CSMD1: variants seen among roughly 807,000 people sequenced by gnomAD.
The protein encoded by CSMD1 is CUB and sushi domain-containing protein 1.
In CSMD1, 213 loss-of-function variants were observed where a neutral mutation model predicts 417.5. The observed-to-expected ratio is 0.51, with a 90% CI of 0.46 to 0.57. The LOEUF (loss-of-function observed/expected upper bound fraction) is 0.57. CSMD1 is among the 20% of genes least tolerant of loss of function. CSMD1 has a pLI of 0.00. For synonymous variants in CSMD1, 2,862 were observed against 1,736.8 expected, an observed-to-expected ratio of 1.65 and a Z score of -16.11; for missense variants, 6,923 against 4,529.7, an observed-to-expected ratio of 1.53 and a Z score of -15.17.
At chr8:3,363,820 G>C (rs901325641) in intron 20 of CSMD1, among the ~76,000 whole-genome samples, 2 of 152,230 alleles carry the variant, frequency 1.3e-5, no homozygotes, top group African/African-American at 4.8e-5. Flanking sequence ...GTCGTAGCGA[G>C]TGGGAAAGTA....
At chr8:4,828,138 C>G (rs1364337584) in intron 1 of CSMD1, among the ~76,000 whole-genome samples, 2 of 151,976 alleles carry the variant, frequency 1.3e-5, no homozygotes, top group Non-Finnish European at 1.5e-5. Flanking sequence ...ACAACTTATC[C>G]CACGAGGAAA....
intron 3 of CSMD1, among the ~76,000 whole-genome samples, chr8:4,057,010 C>G (rs1798730931): frequency 6.6e-6 from 1 of 152,268 alleles, no homozygotes; most frequent in Non-Finnish European, 1.5e-5. Context: ...GTGCATGTGT[C>G]TTTATAGCAG....
rs572660577 is a variant in CSMD1, at chr8:3,303,637, C to A, written c.3950+4058G>T. Among the ~76,000 whole-genome samples the A allele has an allele frequency of 2.0e-4, 30 of 152,224 alleles. 1 individual carries two copies. In the South Asian group the frequency reaches 6.0e-3, roughly 30 times the overall value. On this transcript the variant is annotated intron_variant, in intron 25 of 69. Coordinates refer to ENST00000635120, the MANE Select transcript of CSMD1 (RefSeq NM_033225.6). ...TACACTGGCAGAAAAGCAATTAAAG[C>A]TTAGGAACAGTGTACACATATGGTT...
chr8:3,811,196 A>AT (rs1252456501), intron 5 of CSMD1, among the ~76,000 whole-genome samples: 2 of 152,264 alleles, frequency 1.3e-5, no homozygotes, highest in Non-Finnish European at 2.9e-5. Flanking sequence ...TATTCGAATT[A>AT]TTTTTTAAGG....
At chr8:4,433,846 G>C (rs1001075261) in intron 2 of CSMD1, among the ~76,000 whole-genome samples, 1 of 151,068 alleles carries the variant, frequency 6.6e-6, no homozygotes, top group East Asian at 2.0e-4. Flanking sequence ...AGGGAAAAAA[G>C]ACTGGAATCT....
At chr8:3,427,472 A>T (rs1460251610) in intron 12 of CSMD1, among the ~76,000 whole-genome samples, 2 of 152,150 alleles carry the variant, frequency 1.3e-5, no homozygotes, top group East Asian at 3.9e-4. Context: ...GAAACCTTTA[A>T]AATGAAGATT....
At chr8:4,737,228 C>T (rs1219421191) in intron 1 of CSMD1, among the ~76,000 whole-genome samples, 1 of 152,174 alleles carries the variant, frequency 6.6e-6, no homozygotes, top group South Asian at 2.1e-4. Context: ...AGCAAACTAA[C>T]ACGGGAACAG....
At chr8:4,487,676 ATAAT>A (rs1411926016) in intron 2 of CSMD1, among the ~76,000 whole-genome samples, 2 of 152,330 alleles carry the variant, frequency 1.3e-5, no homozygotes, top group African/African-American at 2.4e-5. Context: ...TTTCTGTAAA[ATAAT>A]TAAGTCCATT....
intron 63 of CSMD1, among the ~76,000 whole-genome samples, chr8:2,956,010 G>A (rs1223166967): frequency 6.6e-6 from 1 of 151,694 alleles, no homozygotes; most frequent in African/African-American, 2.4e-5. Context: ...CAAAGTACTG[G>A]GATTACAGGC....
At chr8:4,647,455 G>A (rs561386941) in intron 1 of CSMD1, among the ~76,000 whole-genome samples, 9 of 151,604 alleles carry the variant, frequency 5.9e-5, no homozygotes, top group East Asian at 1.9e-4. Flanking sequence ...CGTGTGCCAC[G>A]GCGGCCTGCT....
intron 3 of CSMD1, among the ~76,000 whole-genome samples, chr8:4,128,559 C>G (rs980529739): frequency 2.0e-5 from 3 of 152,166 alleles, no homozygotes; most frequent in Admixed American, 6.5e-5. Flanking sequence ...GATAACACAT[C>G]TCATCTCTTT....
At chr8:3,869,361 T>C (rs1233813871) in intron 5 of CSMD1, among the ~76,000 whole-genome samples, 1 of 152,196 alleles carries the variant, frequency 6.6e-6, no homozygotes, top group Non-Finnish European at 1.5e-5. Flanking sequence ...ATAATAAAAT[T>C]ATATAATACA....
intron 1 of CSMD1, among the ~76,000 whole-genome samples, chr8:4,929,915 G>A (rs1294995827): frequency 6.6e-6 from 1 of 152,180 alleles, no homozygotes; most frequent in Non-Finnish European, 1.5e-5. Context: ...TGTAGTAAAA[G>A]TATATTGCAA....
chr8:3,819,005 T>A (rs142883801), intron 5 of CSMD1, among the ~76,000 whole-genome samples: 1 of 152,210 alleles, frequency 6.6e-6, no homozygotes, highest in African/African-American at 2.4e-5. Context: ...ATCAATGATT[T>A]ATCACTCTCT....
At chr8:4,453,676 G>T (rs1021853801) in intron 2 of CSMD1, among the ~76,000 whole-genome samples, 7 of 152,024 alleles carry the variant, frequency 4.6e-5, no homozygotes, top group African/African-American at 1.7e-4. Flanking sequence ...AGGTCCCGCA[G>T]TCTACAGACC....
chr8:3,371,293 G>A (rs1417009419), intron 18 of CSMD1, among the ~76,000 whole-genome samples: 1 of 152,154 alleles, frequency 6.6e-6, no homozygotes, highest in Non-Finnish European at 1.5e-5. Context: ...AGTAACACGT[G>A]CAAAGTTCTC....
intron 52 of CSMD1, among the ~76,000 whole-genome samples, chr8:3,002,192 C>T (rs1382177379): frequency 6.6e-6 from 1 of 152,146 alleles, no homozygotes; most frequent in Non-Finnish European, 1.5e-5. Flanking sequence ...CGGAGAACGT[C>T]GATGAGGGTG....
intron 1 of CSMD1, among the ~76,000 whole-genome samples, chr8:4,899,715 A>C (rs1434126865): frequency 6.6e-6 from 1 of 152,204 alleles, no homozygotes; most frequent in Admixed American, 6.5e-5. Flanking sequence ...ATTTCTAATC[A>C]TATCTCACTG....
chr8:4,178,240 G>C (rs1424112910), intron 3 of CSMD1, among the ~76,000 whole-genome samples: 5 of 152,132 alleles, frequency 3.3e-5, no homozygotes, highest in African/African-American at 1.2e-4. Flanking sequence ...CTATCATCAA[G>C]TGGGCTTCAT....
Sources: allele counts gnomAD v4.1 joint callset (sites outside exome capture counted in the v4.1 genomes callset), GRCh38; gene constraint gnomAD v4.1.1; transcripts MANE v1.5; gene names NCBI Gene and HGNC (gene_info 2026-07-23, HGNC 2026-07-21).